Variants in ASAP1 observed in about 807,000 individuals in gnomAD.
ASAP1 encodes ArfGAP with SH3 domain, ankyrin repeat and PH domain 1.
In ASAP1, 43 loss-of-function variants were observed where a neutral mutation model predicts 145.2. The observed-to-expected ratio is 0.30, with a 90% CI of 0.23 to 0.38. The LOEUF is 0.38. Among genes scored for constraint, ASAP1 ranks in the 10% least tolerant of loss-of-function variants. The probability of loss-of-function intolerance (pLI) is 1.00; values close to 1 mark genes in which losing one functional copy is unlikely to be tolerated. For synonymous variants in ASAP1, 546 were observed against 515.5 expected, an observed-to-expected ratio of 1.06 and a Z score of -0.80; for missense variants, 1,018 against 1,355.3, an observed-to-expected ratio of 0.75 and a Z score of 3.91.
intron 1 of ASAP1, among the ~76,000 whole-genome samples, chr8:130,411,107 CCA>C (rs1016923561): frequency 6.6e-6 from 1 of 152,182 alleles, no homozygotes; most frequent in African/African-American, 2.4e-5. Context: ...GGTGATCCAC[CCA>C]CCTTGGGCCC....
chr8:130,158,250 C>G (rs2097661854), intron 12 of ASAP1, among the ~76,000 whole-genome samples: 1 of 151,770 alleles, frequency 6.6e-6, no homozygotes, highest in African/African-American at 2.4e-5. Flanking sequence ...TGAGTCATGC[C>G]CGTAATCCCA....
chr8:130,281,517 A>G (rs1293418768), intron 3 of ASAP1, among the ~76,000 whole-genome samples: 1 of 152,212 alleles, frequency 6.6e-6, no homozygotes, highest in Admixed American at 6.5e-5. Flanking sequence ...AAGTCTAGGT[A>G]CTGTAAATCT....
At chr8:130,295,236 TCACACCACTG>T (rs762717419) in intron 3 of ASAP1, among the ~76,000 whole-genome samples, 3 of 152,154 alleles carry the variant, frequency 2.0e-5, no homozygotes, top group Non-Finnish European at 4.4e-5. Flanking sequence ...TGAGCCATGA[TCACACCACTG>T]CACTCCAGCC....
intron 24 of ASAP1, among the ~76,000 whole-genome samples, chr8:130,110,852 A>G (rs2097545516): frequency 6.6e-6 from 1 of 152,202 alleles, no homozygotes; most frequent in South Asian, 2.1e-4. Context: ...GTGTGATTCA[A>G]ATAGGCATGG....
At chr8:130,190,706 T>C (rs942008640) in intron 5 of ASAP1, among the ~76,000 whole-genome samples, 32 of 152,070 alleles carry the variant, frequency 2.1e-4, no homozygotes, top group African/African-American at 7.7e-4. Flanking sequence ...TTAGTAGAGA[T>C]GGGGTTTCAC....
intron 27 of ASAP1, among the ~76,000 whole-genome samples, chr8:130,070,161 T>C (rs367564579): frequency 2.0e-5 from 3 of 151,778 alleles, no homozygotes; most frequent in Non-Finnish European, 2.9e-5. Context: ...CTCAGCCTCC[T>C]GAGTAGCTGG....
At chr8:130,406,772 T>C (rs1829049930) in intron 1 of ASAP1, among the ~76,000 whole-genome samples, 1 of 152,184 alleles carries the variant, frequency 6.6e-6, no homozygotes, top group African/African-American at 2.4e-5. Context: ...AATGAGCCAC[T>C]GTGCCTGCCC....
At chr8:130,311,017 T>C (rs959151955) in intron 3 of ASAP1, among the ~76,000 whole-genome samples, 22 of 152,206 alleles carry the variant, frequency 1.4e-4, no homozygotes, top group African/African-American at 5.1e-4. Context: ...GGAGGCTTTA[T>C]TTGTTAGGCT....
rs185136234 is a variant in ASAP1, at chr8:130,303,676, A to G, written c.186+54341T>C. 4.6e-4 allele frequency among the ~76,000 whole-genome samples: 70 copies of G among 152,312 alleles called. No individual in the cohort carries two copies. The East Asian group carries it at 8.7e-3, about 19-fold the overall frequency. On this transcript the variant is annotated intron_variant, in intron 3 of 29. Transcript: ENST00000518721. ...AAAAAAGTCAATCTGAAAAGGCTAC[A>G]TACTTTACTTTATGACTCTGACTAT... is the stretch of plus-strand genomic sequence containing the variant.
intron 23 of ASAP1, 150 bp downstream of exon 23, chr8:130,115,476 GGT>G (rs2097553861): frequency 1.5e-6 from 1 of 650,376 alleles, no homozygotes; most frequent in Non-Finnish European, 2.8e-6. Flanking sequence ...GCTGTTAAAT[GGT>G]GCCCAATAAG....
intron 3 of ASAP1, among the ~76,000 whole-genome samples, chr8:130,325,098 A>G (rs546239853): frequency 2.0e-5 from 3 of 152,210 alleles, no homozygotes; most frequent in Admixed American, 2.0e-4. Flanking sequence ...TCCACTGACA[A>G]ATTCTGGGGG....
intron 4 of ASAP1, among the ~76,000 whole-genome samples, chr8:130,217,707 T>C (rs549258698): frequency 5.9e-5 from 9 of 152,282 alleles, no homozygotes; most frequent in African/African-American, 1.7e-4. Flanking sequence ...CCTGGATTTA[T>C]TGAATTCCTT....
chr8:130,136,113 CGA>C (rs1314444787), intron 14 of ASAP1, among the ~76,000 whole-genome samples: 3 of 152,144 alleles, frequency 2.0e-5, no homozygotes, highest in Non-Finnish European at 2.9e-5. Flanking sequence ...AGGATATTCA[CGA>C]GAGTCACTTC....
chr8:130,358,267 G>A lies in ASAP1; in HGVS notation c.60-124C>T, dbSNP rs1039634765. The A allele has an allele frequency of 2.8e-4, 188 of 681,420 alleles. 1 individual carries two copies. In the African/African-American group the frequency reaches 3.4e-3, roughly 12 times the overall value. The allele number at this position is 681,420 out of a possible 1,614,324, so 42.2% of individuals were successfully genotyped here. ...CAGCCCGCCACCCGCCGCCCGGCCTGGCGCGCGGCTCCCGTCCCCGGCAGC... is the reference window on the plus strand; with the variant it reads ...CAGCCCGCCACCCGCCGCCCGGCCTAGCGCGCGGCTCCCGTCCCCGGCAGC... On this transcript the variant is annotated intron_variant, in intron 2 of 29. Coordinates refer to ENST00000518721, the MANE Select transcript of ASAP1 (RefSeq NM_018482.4). This position sits in a 1 kb window ranked among gnomAD's most constrained non-coding sequence, Gnocchi z 4.1.
chr8:130,323,996 G>A (rs1271634498), intron 3 of ASAP1, among the ~76,000 whole-genome samples: 1 of 152,210 alleles, frequency 6.6e-6, no homozygotes, highest in Admixed American at 6.5e-5. Flanking sequence ...TACTCCCTCA[G>A]TTATCACCCT....
chr8:130,153,392 C>T (rs1433537027), intron 12 of ASAP1, among the ~76,000 whole-genome samples: 2 of 125,606 alleles, frequency 1.6e-5, no homozygotes, highest in African/African-American at 3.2e-5. Flanking sequence ...TATTTTGAGA[C>T]AGGGTCTTGC....
chr8:130,097,159 A>AAAAAAAC (rs2097520000), intron 24 of ASAP1, among the ~76,000 whole-genome samples: 1 of 132,946 alleles, frequency 7.5e-6, no homozygotes, highest in Admixed American at 7.9e-5. Flanking sequence ...AAAAAAAAAA[A>AAAAAAAC]AAGTCCTTGA....
At chr8:130,126,150 TACAGAG>T in intron 16 of ASAP1, 61 bp from the exon 17 acceptor site, 1 of 1,495,900 alleles carries the variant, frequency 6.7e-7, no homozygotes, top group African/African-American at 1.4e-5. Flanking sequence ...GTGTGCCAAC[TACAGAG>T]GAAGCTAAAA....
intron 5 of ASAP1, among the ~76,000 whole-genome samples, chr8:130,196,101 G>A (rs1815468068): frequency 6.6e-6 from 1 of 152,208 alleles, no homozygotes; most frequent in East Asian, 1.9e-4. Context: ...GAGCACGCTG[G>A]AAGGCCGAGG....
Sources: allele counts gnomAD v4.1 joint callset (sites outside exome capture counted in the v4.1 genomes callset), GRCh38; gene constraint gnomAD v4.1.1; non-coding constraint Gnocchi (gnomAD v3.1); transcripts MANE v1.5; gene names NCBI Gene and HGNC (gene_info 2026-07-23, HGNC 2026-07-21).